Variants in PTPRG observed in about 807,000 individuals in gnomAD.
PTPRG encodes receptor-type tyrosine-protein phosphatase gamma.
In PTPRG, 102 loss-of-function variants were observed where a neutral mutation model predicts 165.3. That is an observed-to-expected ratio of 0.62 (90% CI 0.53 to 0.73). The LOEUF is 0.73. PTPRG is among the 30% of genes least tolerant of loss of function. PTPRG has a pLI of 0.00. For missense variants in PTPRG, 1,866 were observed against 1,861.4 expected (o/e 1.00, Z -0.05); for synonymous variants, 675 against 669.5 (o/e 1.01, Z -0.13).
chr3:61,913,393 G>C (rs1457843903), intron 2 of PTPRG, among the ~76,000 whole-genome samples: 2 of 152,076 alleles, frequency 1.3e-5, no homozygotes, highest in Admixed American at 1.3e-4. Context: ...CTAATTTTTT[G>C]TATTTTTAGT....
chr3:61,923,105 G>A (rs2039119621), intron 2 of PTPRG, among the ~76,000 whole-genome samples: 1 of 150,724 alleles, frequency 6.6e-6, no homozygotes, highest in African/African-American at 2.4e-5. Flanking sequence ...TTTTCCCACT[G>A]CCTAGAGCTT....
At chr3:61,716,638 G>C (rs9846370) in intron 1 of PTPRG, among the ~76,000 whole-genome samples, 10,484 of 152,118 alleles carry the variant, frequency 0.069, 688 homozygotes, top group African/African-American at 0.17. Context: ...AATACAAACT[G>C]TACTTAAACT....
chr3:62,289,708 C>T (rs368294613), intron 28 of PTPRG, among the ~76,000 whole-genome samples: 1 of 134,118 alleles, frequency 7.5e-6, no homozygotes, highest in East Asian at 2.3e-4. Context: ...TCCCCCCCCC[C>T]CAAAAAAAAC....
At chr3:61,966,222 T>G (rs867383823) in intron 2 of PTPRG, among the ~76,000 whole-genome samples, 2 of 152,228 alleles carry the variant, frequency 1.3e-5, no homozygotes, top group Non-Finnish European at 2.9e-5. Flanking sequence ...GGCGAAATTT[T>G]TGATGCTGTG....
chr3:62,258,759 T>C (rs777444437), intron 16 of PTPRG, among the ~76,000 whole-genome samples: 1 of 152,184 alleles, frequency 6.6e-6, no homozygotes, highest in Non-Finnish European at 1.5e-5. Context: ...TCAGTCCTTT[T>C]CTTGTGATAG....
At chr3:61,850,103 GTGTA>G (rs2107361267) in intron 2 of PTPRG, among the ~76,000 whole-genome samples, 1 of 152,020 alleles carries the variant, frequency 6.6e-6, no homozygotes, top group South Asian at 2.1e-4. Context: ...TGCTTTTAAC[GTGTA>G]TGTATGTTTA....
intron 4 of PTPRG, among the ~76,000 whole-genome samples, chr3:62,010,762 C>T (rs1386940876): frequency 3.3e-5 from 5 of 152,192 alleles, no homozygotes; most frequent in Non-Finnish European, 5.9e-5. Flanking sequence ...ATCATTAGAA[C>T]TGTCATCAGA....
intron 2 of PTPRG, among the ~76,000 whole-genome samples, chr3:61,926,417 G>A (rs546971166): frequency 6.6e-6 from 1 of 152,110 alleles, no homozygotes; most frequent in African/African-American, 2.4e-5. Flanking sequence ...CATGTGATAC[G>A]TGTGCCTCTC....
chr3:61,640,194 C>T (rs1410478272), intron 1 of PTPRG, among the ~76,000 whole-genome samples: 1 of 152,176 alleles, frequency 6.6e-6, no homozygotes, highest in Non-Finnish European at 1.5e-5. Context: ...TGATTGACAG[C>T]TTGGTTTCCT....
chr3:62,224,755 T>C lies in PTPRG; in HGVS notation c.2288+5772T>C, dbSNP rs1188772304. 2.0e-5 allele frequency among the ~76,000 whole-genome samples: 3 copies of C among 152,206 alleles called. No individual in the cohort carries two copies. Among genetic ancestry groups the C allele is most frequent in the Non-Finnish European group, 4.4e-5 (3 of 68,032 alleles). On this transcript the variant is annotated intron_variant, in intron 13 of 29. Coordinates refer to ENST00000474889, the MANE Select transcript of PTPRG (RefSeq NM_002841.4). The surrounding 1 kb of genome is among the most constrained non-coding windows in gnomAD (Gnocchi z 4.9). ...GTCTCATCGGGGACTATTTGAGCAG[T>C]GTTTTTATAGGCAGCAACATGGATC... is the stretch of plus-strand genomic sequence containing the variant.
At chr3:62,285,581 T>G (rs1702618812) in intron 28 of PTPRG, among the ~76,000 whole-genome samples, 1 of 150,780 alleles carries the variant, frequency 6.6e-6, no homozygotes, top group South Asian at 2.1e-4. Flanking sequence ...ATAAGTGAGC[T>G]AAGAATAAAA....
chr3:61,785,749 C>T (rs764743391), intron 2 of PTPRG, among the ~76,000 whole-genome samples: 2 of 152,200 alleles, frequency 1.3e-5, no homozygotes, highest in African/African-American at 2.4e-5. Flanking sequence ...TACAGATACA[C>T]ATTGACAACA....
In PTPRG at chr3:61,901,362, G is replaced by A. The variant is rs933111877; in HGVS notation, c.191-88263G>A. ...AGAACTGCCTCCATATTTGAGTTCTGTGATGCAAAAAAGTTACTGGATGGC... is the reference window on the plus strand; with the variant it reads ...AGAACTGCCTCCATATTTGAGTTCTATGATGCAAAAAAGTTACTGGATGGC... On this transcript the variant is annotated intron_variant, in intron 2 of 29. Coordinates refer to ENST00000474889, the MANE Select transcript of PTPRG (RefSeq NM_002841.4). Among the ~76,000 whole-genome samples the A allele has an allele frequency of 4.5e-4, 68 of 152,244 alleles. 1 individual carries two copies. Among genetic ancestry groups the A allele is most frequent in the African/African-American group, 1.5e-3 (61 of 41,560 alleles).
intron 2 of PTPRG, among the ~76,000 whole-genome samples, chr3:61,988,695 T>G (rs2040819756): frequency 6.6e-6 from 1 of 152,186 alleles, no homozygotes; most frequent in Non-Finnish European, 1.5e-5. Context: ...CAATAAAGGA[T>G]TCAGTCTTAA....
intron 2 of PTPRG, among the ~76,000 whole-genome samples, chr3:61,783,755 C>G (rs2034611897): frequency 2.6e-5 from 4 of 152,056 alleles, no homozygotes. Flanking sequence ...ACAGTGAGGT[C>G]CTAAGCCCTG....
chr3:61,857,927 C>T (rs1281229387), intron 2 of PTPRG, among the ~76,000 whole-genome samples: 1 of 152,094 alleles, frequency 6.6e-6, no homozygotes, highest in Non-Finnish European at 1.5e-5. Flanking sequence ...AACATCCCTG[C>T]CTCTATCCAC....
intron 1 of PTPRG, among the ~76,000 whole-genome samples, chr3:61,721,581 A>T (rs1467121649): frequency 1.3e-5 from 2 of 152,220 alleles, no homozygotes. Context: ...CAAGAAGAAC[A>T]TTATATTTTT....
rs148709074 is a variant in PTPRG at position 62,143,638 on chromosome 3, T to G, written c.682+10970T>G. On this transcript the variant is annotated intron_variant, in intron 6 of 29. Coordinates refer to ENST00000474889, the MANE Select transcript of PTPRG (RefSeq NM_002841.4). ...ACTTGCATGCAAAGTAATCTCACGTTGAACCTTTGGAATGAGCTTTATTAA... is the reference window on the plus strand; with the variant it reads ...ACTTGCATGCAAAGTAATCTCACGTGGAACCTTTGGAATGAGCTTTATTAA... Among the ~76,000 whole-genome samples the G allele has an allele frequency of 6.3e-3, 959 of 152,242 alleles. 10 individuals are homozygous for G. The highest frequency in any genetic ancestry group is 0.022 in the African/African-American group (921 of 41,538).
chr3:61,805,003 A>T lies in PTPRG; in HGVS notation c.190+56021A>T, dbSNP rs527638377. On this transcript the variant is annotated intron_variant, in intron 2 of 29. Transcript: ENST00000474889. ...AGATCTGTTGATGTACTTCCTGTTTATGGTGGCTCCCAGCTTCACTGGTGA... is the reference window on the plus strand; with the variant it reads ...AGATCTGTTGATGTACTTCCTGTTTTTGGTGGCTCCCAGCTTCACTGGTGA... 3.3e-5 allele frequency among the ~76,000 whole-genome samples: 5 copies of T among 152,336 alleles called. No homozygotes were observed. The East Asian group carries it at 9.7e-4, about 29-fold the overall frequency.
Sources: allele counts gnomAD v4.1 joint callset (sites outside exome capture counted in the v4.1 genomes callset), GRCh38; gene constraint gnomAD v4.1.1; non-coding constraint Gnocchi (gnomAD v3.1); transcripts MANE v1.5; gene names NCBI Gene and HGNC (gene_info 2026-07-23, HGNC 2026-07-21).